Variants in DCAF8L2 observed in about 807,000 individuals in gnomAD.
DCAF8L2 encodes the protein DDB1 and CUL4 associated factor 8 like 2.
For missense variants in DCAF8L2, 430 were observed against 490.7 expected (o/e 0.88, Z 1.17); for synonymous variants, 200 against 190.9 (o/e 1.05, Z -0.39).
the DCAF8L2 span, among the ~76,000 whole-genome samples, chrX:27,568,980 C>G: frequency 1.5e-5 from 1 of 66,847 alleles, no homozygotes; most frequent in Non-Finnish European, 3.7e-5. Flanking sequence ...CACACACACA[C>G]ACACACACAC....
At chrX:27,689,267 G>A (rs1930622997) in intron 3 of DCAF8L2, among the ~76,000 whole-genome samples, 1 of 112,077 alleles carries the variant, frequency 8.9e-6, no homozygotes, top group Non-Finnish European at 1.9e-5. Flanking sequence ...TTTTTGCGAT[G>A]GAGTCTCGCT....
chrX:27,539,284 G>T, the DCAF8L2 span, among the ~76,000 whole-genome samples: 1 of 111,648 alleles, frequency 9.0e-6, no homozygotes, highest in Non-Finnish European at 1.9e-5. Flanking sequence ...TTCTTGGGGG[G>T]AAGAAGAGCT....
the DCAF8L2 span, among the ~76,000 whole-genome samples, chrX:27,523,888 A>G: frequency 1.8e-5 from 2 of 110,521 alleles, no homozygotes; most frequent in African/African-American, 3.3e-5. Flanking sequence ...TGTCCTTGCC[A>G]TAGTTTGCTG....
chrX:27,619,155 G>A (rs1927629248), intron 1 of DCAF8L2, among the ~76,000 whole-genome samples: 1 of 110,734 alleles, frequency 9.0e-6, no homozygotes, highest in Admixed American at 9.7e-5. Context: ...TTTAGGTGTG[G>A]TTTTGGTAAT....
intron 3 of DCAF8L2, among the ~76,000 whole-genome samples, chrX:27,702,756 T>A (rs1347797904): frequency 9.0e-6 from 1 of 111,554 alleles, no homozygotes; most frequent in Non-Finnish European, 1.9e-5. Context: ...TCACATTTAA[T>A]AGTCAAAAAT....
chrX:27,651,787 G>A (rs1929163410), intron 2 of DCAF8L2, among the ~76,000 whole-genome samples: 1 of 110,594 alleles, frequency 9.0e-6, no homozygotes, highest in Admixed American at 9.6e-5. Context: ...TGGGATTACA[G>A]GCGTGAGCCA....
intron 2 of DCAF8L2, among the ~76,000 whole-genome samples, chrX:27,647,602 T>C (rs1928990583): frequency 9.0e-6 from 1 of 111,200 alleles, no homozygotes; most frequent in Non-Finnish European, 1.9e-5. Flanking sequence ...TTAGAAAAAT[T>C]CTTTTTCTTT....
At position 27,689,156 on chromosome X, in the gene DCAF8L2, C is replaced by T. The variant is rs758595711; in HGVS notation, c.-143+11244C>T. On this transcript the variant is annotated intron_variant, in intron 3 of 4. Coordinates refer to ENST00000451261, the MANE Select transcript of DCAF8L2 (RefSeq NM_001353450.2). ...CATGTACCTTGATTTATCAATTTTCCTTTAGGGTTTTATTGAATGAATGTA... is the reference window on the plus strand; with the variant it reads ...CATGTACCTTGATTTATCAATTTTCTTTTAGGGTTTTATTGAATGAATGTA... 2.7e-5 allele frequency among the ~76,000 whole-genome samples: 3 copies of T among 112,241 alleles called. No individual in the cohort carries two copies. The East Asian group carries it at 8.4e-4, about 32-fold the overall frequency.
chrX:27,497,549 C>CTTCCTTCCTTCTTTCTTTCTTTCTTTCT, the DCAF8L2 span, among the ~76,000 whole-genome samples: 1 of 64,444 alleles, frequency 1.6e-5, no homozygotes, highest in Non-Finnish European at 2.7e-5. Context: ...TCCTTCCTTC[C>CTTCCTTCCTTCTTTCTTTCTTTCTTTCT]TTCTTTCTTT....
the DCAF8L2 span, among the ~76,000 whole-genome samples, chrX:27,505,862 C>T: frequency 4.5e-5 from 5 of 112,011 alleles, no homozygotes; most frequent in Admixed American, 4.8e-4. Context: ...AATTGTGAGA[C>T]AATACATGTT....
the DCAF8L2 span, among the ~76,000 whole-genome samples, chrX:27,497,561 T>C: frequency 0.18 from 7,776 of 43,649 alleles, 585 homozygotes; most frequent in East Asian, 0.34. Context: ...TCTTTCTTTC[T>C]TTCTTTCTTT....
chrX:27,564,769 A>G, the DCAF8L2 span, among the ~76,000 whole-genome samples: 8 of 110,529 alleles, frequency 7.2e-5, no homozygotes, highest in Admixed American at 2.9e-4. Context: ...ACAGCTGTCT[A>G]TAATGAACAA....
chrX:27,724,418 G>A (rs1389315938), intron 4 of DCAF8L2, among the ~76,000 whole-genome samples: 1 of 110,572 alleles, frequency 9.0e-6, no homozygotes, highest in Non-Finnish European at 1.9e-5. Context: ...TCTTCGTGGG[G>A]GAACAGTATC....
At chrX:27,586,708 T>C (rs1359798848), upstream of DCAF8L2, among the ~76,000 whole-genome samples, 1 of 111,458 alleles carries the variant, frequency 9.0e-6, no homozygotes, top group East Asian at 2.8e-4. Context: ...TATTCTCACT[T>C]TTCACCTTTG....
chrX:27,522,438 A>AT, the DCAF8L2 span, among the ~76,000 whole-genome samples: 2 of 111,874 alleles, frequency 1.8e-5, no homozygotes, highest in African/African-American at 6.5e-5. Context: ...TATTGTTATA[A>AT]TTTTTTTATT....
At chrX:27,519,654 A>G in the DCAF8L2 span, 5 of 615,735 alleles carry the variant, frequency 8.1e-6, no homozygotes, top group Non-Finnish European at 1.4e-5. Context: ...ATGAAGGGGT[A>G]ATGAACCATA....
intron 4 of DCAF8L2, among the ~76,000 whole-genome samples, chrX:27,736,896 G>A (rs1270530446): frequency 9.0e-6 from 1 of 110,998 alleles, no homozygotes; most frequent in African/African-American, 3.3e-5. Context: ...TCCAGACACT[G>A]CATAAAGTGT....
At chrX:27,683,941 G>A (rs1236119182) in intron 3 of DCAF8L2, among the ~76,000 whole-genome samples, 1 of 112,113 alleles carries the variant, frequency 8.9e-6, no homozygotes, top group African/African-American at 3.2e-5. Context: ...TCATCTCAGA[G>A]CCTATGTCTA....
intron 1 of DCAF8L2, among the ~76,000 whole-genome samples, chrX:27,592,417 G>GTTTTTTTTT (rs1248208449): frequency 2.4e-5 from 2 of 83,950 alleles, no homozygotes; most frequent in African/African-American, 1.0e-4. Flanking sequence ...GTTTGTTTTT[G>GTTTTTTTTT]TTTTTTTTTT....
Sources: gnomAD v4.1 joint callset for allele counts (sites outside exome capture counted in the v4.1 genomes callset) on GRCh38, gnomAD v4.1.1 for gene constraint, MANE v1.5 for transcripts, NCBI Gene and HGNC (gene_info 2026-07-23, HGNC 2026-07-21) for gene names.